ACSM6: variants seen among roughly 807,000 people sequenced by gnomAD.
ACSM6 encodes acyl-coenzyme A synthetase ACSM6, mitochondrial.
In ACSM6, 35 loss-of-function variants were observed where a neutral mutation model predicts 51.1. The ratio of observed to expected loss-of-function variants is 0.69; its 90% CI spans 0.52 to 0.91. The LOEUF (loss-of-function observed/expected upper bound fraction) is 0.91, where lower values mean the gene tolerates loss of function less well. Among genes scored for constraint, ACSM6 ranks in the 40% least tolerant of loss-of-function variants. The pLI is 0.00. For synonymous variants in ACSM6, 172 were observed against 207.3 expected, an observed-to-expected ratio of 0.83 and a Z score of 1.46; for missense variants, 509 against 584.1, an observed-to-expected ratio of 0.87 and a Z score of 1.32.
exon 4 of ACSM6, chr10:95,207,388 G>A: frequency 6.2e-7 from 1 of 1,614,158 alleles, no homozygotes; most frequent in Non-Finnish European, 8.5e-7. Flanking sequence ...AGCTATGATG[G>A]GTGGTTGGAT....
intron 2 of ACSM6, among the ~76,000 whole-genome samples, chr10:95,200,486 T>C (rs2034781687): frequency 7.2e-6 from 1 of 139,796 alleles, no homozygotes; most frequent in African/African-American, 2.7e-5. Context: ...ACCCTAAAAC[T>C]TGAAGAAGAA....
In ACSM6 at chr10:95,207,368, G is replaced by A. The variant is rs1487903092; in HGVS notation, c.564G>A (p.Val188=). The change falls in exon 4 of 11, where the codon GTG becomes GTA. Residue 188 remains valine (V), a synonymous_variant. Transcript: ENST00000341686. ...CCACCTTGAAAACCAAGCTCCTGGT[G>A]TCAGATAAGAGCTATGATGGGTGGT... 4 of 1,614,056 alleles carry A rather than the reference G, an allele frequency of 2.5e-6. No homozygotes were observed. In the South Asian group the frequency reaches 4.4e-5, roughly 18 times the overall value.
Position 95,212,873 on chromosome 10 carries a change from C to T in ACSM6, c.928C>T (p.Pro310Ser), listed in dbSNP as rs267602644. 2 of 1,613,502 alleles carry T rather than the reference C, an allele frequency of 1.2e-6. No individual in the cohort carries two copies. Among genetic ancestry groups the T allele is most frequent in the East Asian group, 4.5e-5 (2 of 44,878 alleles). Reference sequence around the variant, plus strand: ...TGGGGCCCAGGTCCTGTCCAGATTTCCCATCACCACTCTATCTGCAAATCC... The same window carrying T: ...TGGGGCCCAGGTCCTGTCCAGATTTTCCATCACCACTCTATCTGCAAATCC... Residue 310 changes from proline (P) to serine (S), a missense_variant, in exon 7 of 11, where the codon CCC (proline) becomes TCC (serine). By Grantham distance (74) the Pro-to-Ser change is moderately conservative. Transcript: ENST00000341686.
intron 9 of ACSM6, among the ~76,000 whole-genome samples, chr10:95,222,316 AAAAGG>A (rs1481611376): frequency 6.6e-6 from 1 of 152,132 alleles, no homozygotes; most frequent in Non-Finnish European, 1.5e-5. Context: ...TAAATTATCA[AAAAGG>A]AAATTAAGAA....
chr10:95,195,996 G>GCCCTCCCCTC (rs71034319), intron 2 of ACSM6, among the ~76,000 whole-genome samples: 23 of 150,640 alleles, frequency 1.5e-4, no homozygotes, highest in African/African-American at 5.1e-4. Flanking sequence ...CTCTTGGGGT[G>GCCCTCCCCTC]CCCTCCCCAC....
intron 3 of ACSM6, among the ~76,000 whole-genome samples, chr10:95,202,932 C>A (rs1390309754): frequency 8.3e-6 from 1 of 120,796 alleles, no homozygotes; most frequent in South Asian, 2.9e-4. Flanking sequence ...GAGCAAGGCT[C>A]TGTCTCAAAA....
At chr10:95,228,875 G>C in exon 11 of ACSM6, 2 of 1,261,166 alleles carry the variant, frequency 1.6e-6, no homozygotes, top group Non-Finnish European at 2.1e-6. Flanking sequence ...TATTTCTAAA[G>C]TTTAGAAAAT....
At chr10:95,227,713 C>T (rs2035052950) in intron 10 of ACSM6, among the ~76,000 whole-genome samples, 1 of 152,196 alleles carries the variant, frequency 6.6e-6, no homozygotes, top group African/African-American at 2.4e-5. Context: ...AGCAGGTTGT[C>T]CATTAGATCT....
At chr10:95,197,689 A>G (rs28826371) in intron 2 of ACSM6, among the ~76,000 whole-genome samples, 3,276 of 151,140 alleles carry the variant, frequency 0.022, 106 homozygotes, top group African/African-American at 0.072. Context: ...AGTTCCCAGG[A>G]GCAGGCAGGA....
chr10:95,199,853 T>C (rs529434771), intron 2 of ACSM6, among the ~76,000 whole-genome samples: 6,569 of 152,040 alleles, frequency 0.043, 511 homozygotes, highest in African/African-American at 0.15. Flanking sequence ...CAGGAAACAA[T>C]AGGTGCTGGA....
At chr10:95,210,451 A>G (rs1028556920) in intron 4 of ACSM6, among the ~76,000 whole-genome samples, 199 bp from the exon 5 acceptor site, 1 of 152,194 alleles carries the variant, frequency 6.6e-6, no homozygotes, top group Admixed American at 6.5e-5. Flanking sequence ...AATGCATCAT[A>G]TATTTCTTAT....
intron 2 of ACSM6, among the ~76,000 whole-genome samples, chr10:95,196,969 C>A (rs2034732371): frequency 6.6e-6 from 1 of 152,136 alleles, no homozygotes; most frequent in Non-Finnish European, 1.5e-5. Flanking sequence ...CTTTGTGTAT[C>A]TATATTCTTT....
intron 2 of ACSM6, among the ~76,000 whole-genome samples, chr10:95,197,914 C>T (rs4113259): frequency 2.0e-5 from 3 of 152,368 alleles, no homozygotes; most frequent in Admixed American, 6.5e-5. Context: ...CACTGTGCCC[C>T]TGGTTTATTG....
intron 9 of ACSM6, among the ~76,000 whole-genome samples, chr10:95,222,855 T>TTGTTCTTATTACCAA (rs1193283729): frequency 6.6e-6 from 1 of 151,690 alleles, no homozygotes; most frequent in African/African-American, 2.4e-5. Context: ...ATTACCAAAA[T>TTGTTCTTATTACCAA]AATAATAATA....
At chr10:95,204,350 G>A (rs976510981) in intron 3 of ACSM6, among the ~76,000 whole-genome samples, 8 of 152,044 alleles carry the variant, frequency 5.3e-5, no homozygotes, top group African/African-American at 1.2e-4. Flanking sequence ...TGAGGAGTTC[G>A]GGACCAACCT....
intron 2 of ACSM6, chr10:95,201,655 T>C: frequency 2.0e-6 from 1 of 491,580 alleles, no homozygotes; most frequent in Non-Finnish European, 4.0e-6. Flanking sequence ...AATGATTTCT[T>C]TTCTTTTGGG....
At chr10:95,210,867 A>G in intron 5 of ACSM6, 74 bp downstream of exon 5, 2 of 1,496,592 alleles carry the variant, frequency 1.3e-6, no homozygotes, top group African/African-American at 1.4e-5. Context: ...ATGGGACTAA[A>G]GCTAAGAAAG....
chr10:95,223,917 AC>A (rs2035015928), intron 9 of ACSM6, among the ~76,000 whole-genome samples: 1 of 152,230 alleles, frequency 6.6e-6, no homozygotes, highest in South Asian at 2.1e-4. Context: ...ATACACACAC[AC>A]TATTAGAGCT....
intron 8 of ACSM6, 48 bp from the exon 9 acceptor site, chr10:95,219,843 A>C (rs777678335): frequency 7.1e-7 from 1 of 1,401,548 alleles, no homozygotes; most frequent in Non-Finnish European, 1.0e-6. Context: ...TAGATCCATT[A>C]ATTTATTGCT....
Sources: gnomAD v4.1 joint callset for allele counts (sites outside exome capture counted in the v4.1 genomes callset) on GRCh38, gnomAD v4.1.1 for gene constraint, MANE v1.5 for transcripts, NCBI Gene and HGNC (gene_info 2026-07-23, HGNC 2026-07-21) for gene names.